The following TBC1D30 variants were observed in gnomAD, a reference collection of about 807,000 sequenced individuals.
TBC1D30 encodes TBC1 domain family member 30.
Under a neutral mutation model 63.2 loss-of-function variants are expected in TBC1D30, and 31 were observed. The observed-to-expected ratio is 0.49, with a 90% CI of 0.37 to 0.66. TBC1D30 has a LOEUF of 0.66. Among genes scored for constraint, TBC1D30 ranks in the 30% least tolerant of loss-of-function variants. The probability of loss-of-function intolerance (pLI) is 0.00; values close to 1 mark genes in which losing one functional copy is unlikely to be tolerated. For synonymous variants in TBC1D30, 307 were observed against 361.5 expected, an observed-to-expected ratio of 0.85 and a Z score of 1.71; for missense variants, 810 against 953.6, an observed-to-expected ratio of 0.85 and a Z score of 1.98.
chr12:64,824,360 C>T (rs770463542), upstream of TBC1D30, among the ~76,000 whole-genome samples: 3 of 152,192 alleles, frequency 2.0e-5, no homozygotes, highest in Non-Finnish European at 4.4e-5. Context: ...AGGATGCTTG[C>T]CCTTACGGGT....
chr12:64,868,452 A>G (rs1343762492), intron 10 of TBC1D30: 1 of 240,440 alleles, frequency 4.2e-6, no homozygotes, highest in East Asian at 1.4e-4. Flanking sequence ...TTCTGTAAGA[A>G]CATAGAAGTT....
At chr12:64,849,756 G>C (rs1876702870) in intron 8 of TBC1D30, among the ~76,000 whole-genome samples, 1 of 152,104 alleles carries the variant, frequency 6.6e-6, no homozygotes, top group South Asian at 2.1e-4. Flanking sequence ...GGCTATATGG[G>C]CTCTTTTTTG....
chr12:64,777,379 C>T (rs1422078184), upstream of TBC1D30, among the ~76,000 whole-genome samples: 2 of 152,218 alleles, frequency 1.3e-5, no homozygotes, highest in African/African-American at 4.8e-5. Context: ...AGCCCAAAAG[C>T]TTCTTAAGCT....
At chr12:64,786,338 A>ATTTG (rs1220157808) in intron 2 of TBC1D30, among the ~76,000 whole-genome samples, 1 of 151,860 alleles carries the variant, frequency 6.6e-6, no homozygotes, top group Non-Finnish European at 1.5e-5. Flanking sequence ...TTATTTATTT[A>ATTTG]TTTATTTATT....
At chr12:64,830,947 T>A (rs549659673) in intron 4 of TBC1D30, among the ~76,000 whole-genome samples, 1 of 152,304 alleles carries the variant, frequency 6.6e-6, no homozygotes, top group East Asian at 1.9e-4. Flanking sequence ...TCCAACCAAA[T>A]ACTTGTGGGT....
chr12:64,838,857 T>C lies in TBC1D30; in HGVS notation c.932+6T>C, dbSNP rs774689230. ...ATCTGGGCAAAATTAGGAGAGTAAG[T>C]GATTTCCACCTTCTGCTCTGTTCTG... On this transcript the variant is annotated splice_donor_region_variant and intron_variant, in intron 7 of 11. Coordinates refer to ENST00000539867, the MANE Select transcript of TBC1D30 (RefSeq NM_015279.2). 7.9e-5 allele frequency: 122 copies of C among 1,535,812 alleles called. No individual in the cohort carries two copies. Among genetic ancestry groups the C allele is most frequent in the Non-Finnish European group, 1.0e-4 (117 of 1,146,758 alleles).
upstream of TBC1D30, among the ~76,000 whole-genome samples, chr12:64,779,503 A>T (rs1871171169): frequency 6.6e-6 from 1 of 152,090 alleles, no homozygotes; most frequent in Non-Finnish European, 1.5e-5. Context: ...CCAGTTTCAA[A>T]AAGGGCCCTT....
At chr12:64,844,870 G>C (rs2136407562) in intron 8 of TBC1D30, among the ~76,000 whole-genome samples, 1 of 152,290 alleles carries the variant, frequency 6.6e-6, no homozygotes, top group East Asian at 1.9e-4. Context: ...TTCAAAGTTT[G>C]TCTTTCCGTG....
chr12:64,834,707 C>CTTTTTT (rs11374555), intron 5 of TBC1D30, among the ~76,000 whole-genome samples: 48 of 76,332 alleles, frequency 6.3e-4, no homozygotes, highest in East Asian at 8.9e-4. Context: ...CCGTGCCGGG[C>CTTTTTT]TTTTTTTTTT....
exon 1 of TBC1D30, chr12:64,781,196 G>A: frequency 1.8e-6 from 2 of 1,089,948 alleles, no homozygotes; most frequent in Non-Finnish European, 1.1e-6. Flanking sequence ...GGTCCTGGGC[G>A]GCCGCAGCGG....
intron 2 of TBC1D30, among the ~76,000 whole-genome samples, chr12:64,809,655 C>T (rs924235499): frequency 3.3e-5 from 5 of 152,170 alleles, no homozygotes; most frequent in African/African-American, 9.7e-5. Flanking sequence ...ACATTTTTCT[C>T]GAACTATCCG....
chr12:64,846,282 A>G (rs148843408), intron 8 of TBC1D30, among the ~76,000 whole-genome samples: 1,611 of 152,276 alleles, frequency 0.011, 13 homozygotes, highest in Non-Finnish European at 0.019. Context: ...GCCCACTCCA[A>G]TGTTTTGTAG....
chr12:64,814,345 C>T (rs912727073), intron 2 of TBC1D30, among the ~76,000 whole-genome samples: 1 of 152,002 alleles, frequency 6.6e-6, no homozygotes, highest in Admixed American at 6.6e-5. Flanking sequence ...CCATGCCTGG[C>T]CAGGAAGGTA....
intron 8 of TBC1D30, among the ~76,000 whole-genome samples, chr12:64,854,425 T>TGTA (rs1361317548): frequency 2.6e-5 from 4 of 152,144 alleles, no homozygotes; most frequent in Non-Finnish European, 5.9e-5. Context: ...TTTCTCTTTA[T>TGTA]GTACTGTCTA....
At chr12:64,868,751 C>G (rs73327212) in intron 10 of TBC1D30, 1,891 of 186,138 alleles carry the variant, frequency 0.01, 51 homozygotes, top group African/African-American at 0.043. Flanking sequence ...CAGAACAAGT[C>G]TACTTACTCC....
chr12:64,805,545 T>C (rs1282422973), intron 2 of TBC1D30, among the ~76,000 whole-genome samples: 2 of 152,084 alleles, frequency 1.3e-5, no homozygotes, highest in Non-Finnish European at 2.9e-5. Context: ...AGAAAATACA[T>C]TTCTTGGCTG....
chr12:64,867,111 A>G (rs1434989616), intron 10 of TBC1D30, among the ~76,000 whole-genome samples: 1 of 152,128 alleles, frequency 6.6e-6, no homozygotes, highest in African/African-American at 2.4e-5. Context: ...CAGGTTTTCA[A>G]GACTAGCCTG....
In TBC1D30 at chr12:64,829,632, G is replaced by T. The variant is rs77660239; in HGVS notation, c.283-745G>T. On this transcript the variant is annotated intron_variant, in intron 3 of 11. Coordinates refer to ENST00000539867, the MANE Select transcript of TBC1D30 (RefSeq NM_015279.2). ...TTTGGATATATGCTTCTGAGGTTAG[G>T]AGAGAAGTCTGGCTGGATATATAAA... Among the ~76,000 whole-genome samples, 33 of 152,272 alleles carry T rather than the reference G, an allele frequency of 2.2e-4. 1 individual carries two copies. The East Asian group carries it at 6.2e-3, about 29-fold the overall frequency.
At chr12:64,771,683 G>A (rs577857779) in intron 1 of TBC1D30, among the ~76,000 whole-genome samples, 1 of 152,322 alleles carries the variant, frequency 6.6e-6, no homozygotes, top group East Asian at 1.9e-4. Context: ...GTTTATAGGT[G>A]CAAGGTAGAA....
Sources: allele counts gnomAD v4.1 joint callset (sites outside exome capture counted in the v4.1 genomes callset), GRCh38; gene constraint gnomAD v4.1.1; transcripts MANE v1.5; gene names NCBI Gene and HGNC (gene_info 2026-07-23, HGNC 2026-07-21).